Variants in MED12L observed in about 807,000 individuals in gnomAD.
MED12L encodes mediator complex subunit 12L, also known as mediator of RNA polymerase II transcription subunit 12-like protein.
MED12L carries 60 observed loss-of-function variants against 281.3 expected under a neutral mutation model. The ratio of observed to expected loss-of-function variants is 0.21; its 90% CI spans 0.17 to 0.26. The LOEUF (loss-of-function observed/expected upper bound fraction) is 0.26, where lower values mean the gene tolerates loss of function less well. Ranked by LOEUF, MED12L falls within the 10% of genes least tolerant of loss-of-function variation. MED12L has a pLI of 1.00. For missense variants in MED12L, 2,146 were observed against 2,680.9 expected (o/e 0.80, Z 4.41); for synonymous variants, 974 against 987.2 (o/e 0.99, Z 0.25).
chr3:151,356,952 T>C (rs549127303), intron 19 of MED12L, among the ~76,000 whole-genome samples: 9 of 152,170 alleles, frequency 5.9e-5, no homozygotes, highest in Admixed American at 3.9e-4. Flanking sequence ...TTTCTAAAAT[T>C]ATACAGTCCA....
At chr3:151,197,968 C>G (rs1178013568) in intron 16 of MED12L, 3 of 152,664 alleles carry the variant, frequency 2.0e-5, no homozygotes, top group Non-Finnish European at 2.9e-5. Flanking sequence ...AAAATAGGCA[C>G]AAGTTGTTAT....
At chr3:151,262,687 T>C (rs2149506272) in intron 16 of MED12L, among the ~76,000 whole-genome samples, 1 of 152,352 alleles carries the variant, frequency 6.6e-6, no homozygotes, top group East Asian at 1.9e-4. Context: ...AGATTTATTC[T>C]TGGGTAACCA....
Position 151,325,763 on chromosome 3 carries a change from T to TACTAC in MED12L, c.2251-24294_2251-24293insTACAC, listed in dbSNP as rs1271424314. ...TCCCAAAAATTGTATACTTTAGGTGTACCCACATTAAGTAGAGATTGAAAT... is the reference window on the plus strand; with the variant it reads ...TCCCAAAAATTGTATACTTTAGGTGTACTACACCCACATTAAGTAGAGATTGAAAT... On this transcript the variant is annotated intron_variant, in intron 16 of 44. Transcript: ENST00000687756. Among the ~76,000 whole-genome samples, 3 of 152,306 alleles carry TACTAC rather than the reference T, an allele frequency of 2.0e-5. No individual in the cohort carries two copies. In the East Asian group the frequency reaches 5.8e-4, roughly 29 times the overall value.
intron 5 of MED12L, among the ~76,000 whole-genome samples, chr3:151,151,401 A>T (rs1272448130): frequency 1.3e-5 from 2 of 152,004 alleles, no homozygotes; most frequent in Non-Finnish European, 2.9e-5. Context: ...GCTGTTTGGC[A>T]TAAGAGACCT....
At chr3:151,258,666 A>G (rs775289345) in intron 16 of MED12L, among the ~76,000 whole-genome samples, 1 of 152,094 alleles carries the variant, frequency 6.6e-6, no homozygotes, top group Admixed American at 6.6e-5. Context: ...CCTGATCAAC[A>G]TGGTGAAACC....
At chr3:151,124,846 C>G (rs989724788) in intron 4 of MED12L, among the ~76,000 whole-genome samples, 2 of 152,200 alleles carry the variant, frequency 1.3e-5, no homozygotes, top group African/African-American at 4.8e-5. Context: ...GATATTCTTC[C>G]AGGTCTTGAG....
intron 16 of MED12L, among the ~76,000 whole-genome samples, chr3:151,201,684 C>T (rs1220238045): frequency 6.6e-6 from 1 of 152,214 alleles, no homozygotes; most frequent in African/African-American, 2.4e-5. Context: ...AAAGCTACTC[C>T]AGGCTTTACC....
chr3:151,294,383 G>T, intron 16 of MED12L: 1 of 1,613,884 alleles, frequency 6.2e-7, no homozygotes, highest in South Asian at 1.1e-5. Context: ...GATTTTTTGT[G>T]CAGATTCATC....
chr3:151,321,417 C>G (rs1391837540), intron 16 of MED12L, among the ~76,000 whole-genome samples: 1 of 152,056 alleles, frequency 6.6e-6, no homozygotes, highest in Non-Finnish European at 1.5e-5. Flanking sequence ...ACTTAGGAAA[C>G]TCAGTTGTAC....
chr3:151,185,480 C>G lies in MED12L; in HGVS notation c.1626+19C>G. 1 of 1,613,014 alleles carries G rather than the reference C, an allele frequency of 6.2e-7. No individual in the cohort carries two copies. On this transcript the variant is annotated intron_variant, in intron 12 of 44. Transcript: ENST00000687756. ...GGCAGAGGTAGGTTCCATTTTCTTT[C>G]TGCTTGTTGAATGCCGTAATGTAAA...
At chr3:151,292,332 G>T (rs544882523) in intron 16 of MED12L, among the ~76,000 whole-genome samples, 78 of 148,526 alleles carry the variant, frequency 5.3e-4, no homozygotes, top group African/African-American at 1.9e-3. Context: ...TTTTGTCCAG[G>T]CTGGAGTGCA....
At chr3:151,232,937 T>C (rs1028502304) in intron 16 of MED12L, among the ~76,000 whole-genome samples, 2 of 152,338 alleles carry the variant, frequency 1.3e-5, no homozygotes, top group African/African-American at 4.8e-5. Context: ...TTTTTAATAT[T>C]GTTTAAAACC....
intron 16 of MED12L, among the ~76,000 whole-genome samples, chr3:151,257,456 G>A: frequency 6.6e-6 from 1 of 152,354 alleles, no homozygotes; most frequent in South Asian, 2.1e-4. Flanking sequence ...CATTAGCTTT[G>A]TGTCATGGGG....
At chr3:151,267,281 CAAT>C (rs1340449715) in intron 16 of MED12L, among the ~76,000 whole-genome samples, 6 of 152,040 alleles carry the variant, frequency 3.9e-5, no homozygotes, top group Non-Finnish European at 8.8e-5. Flanking sequence ...AAAGGCATAA[CAAT>C]AATGAAGTGC....
chr3:151,119,167 A>G (rs116038509), intron 3 of MED12L, among the ~76,000 whole-genome samples: 2,230 of 152,302 alleles, frequency 0.015, 63 homozygotes, highest in African/African-American at 0.051. Context: ...TCTGTTGCCA[A>G]TTTCTCATGG....
chr3:151,372,603 T>C lies in MED12L; in HGVS notation c.3701T>C (p.Leu1234Ser). ...AKIGNNSVSS[L>S]KNDDFTMRGL... is the part of the protein sequence containing the mutation. ...ATTGGCAATAACAGTGTCAGCTCTT[T>C]AAAGAATGATGACTTCACCATGAGA... Residue 1234 changes from leucine to serine, a missense_variant, in exon 27 of 45, where the codon TTA becomes TCA. Around this residue, in one of 9 missense-constraint regions of MED12L, gnomAD observed 235 missense variants for 260.3 expected, o/e 0.90. Transcript: ENST00000687756. 2 of 1,613,902 alleles carry C rather than the reference T, an allele frequency of 1.2e-6. No homozygotes were observed. Among genetic ancestry groups the C allele is most frequent in the Non-Finnish European group, 1.7e-6 (2 of 1,179,820 alleles).
chr3:151,285,076 T>C (rs186002451), intron 16 of MED12L, among the ~76,000 whole-genome samples: 129 of 152,346 alleles, frequency 8.5e-4, no homozygotes, highest in Non-Finnish European at 1.6e-3. Flanking sequence ...TGCAGTAACC[T>C]GGATGGAGTT....
At chr3:151,351,948 G>C (rs1349552225) in intron 17 of MED12L, among the ~76,000 whole-genome samples, 1 of 152,178 alleles carries the variant, frequency 6.6e-6, no homozygotes, top group African/African-American at 2.4e-5. Flanking sequence ...AAACATTGTT[G>C]TTCTGTGCTG....
chr3:151,164,783 A>T (rs1226314296), intron 9 of MED12L, among the ~76,000 whole-genome samples: 1 of 151,712 alleles, frequency 6.6e-6, no homozygotes, highest in African/African-American at 2.4e-5. Context: ...GTTCTCACTC[A>T]TAGGTGGGAA....
Sources: allele counts gnomAD v4.1 joint callset (sites outside exome capture counted in the v4.1 genomes callset), GRCh38; gene constraint gnomAD v4.1.1; regional missense constraint gnomAD v4.1.1; transcripts MANE v1.5; gene names NCBI Gene and HGNC (gene_info 2026-07-23, HGNC 2026-07-21).